The following ARHGEF1 variants were observed in gnomAD, a reference collection of about 807,000 sequenced individuals.
The protein encoded by ARHGEF1 is 115 kDa guanine nucleotide exchange factor.
A neutral mutation model predicts 119.7 loss-of-function variants in ARHGEF1; 40 were observed. That is an observed-to-expected ratio of 0.33 (90% CI 0.26 to 0.44). The LOEUF is 0.44. Ranked by LOEUF, ARHGEF1 falls within the 20% of genes least tolerant of loss-of-function variation. The pLI, the probability that ARHGEF1 is intolerant of heterozygous loss-of-function variation, is 1.00. For synonymous variants in ARHGEF1, 494 were observed against 521.0 expected (o/e 0.95, Z 0.71); for missense variants, 976 against 1,268.3 (o/e 0.77, Z 3.50).
chr19:41,914,555 CT>C (rs1379696082), intron 18 of ARHGEF1, among the ~76,000 whole-genome samples: 3 of 100,874 alleles, frequency 3.0e-5, no homozygotes, highest in African/African-American at 1.4e-4. Flanking sequence ...TTTCCCTCCC[CT>C]TCCACCATCT....
At position 41,929,179 on chromosome 19, in the gene ARHGEF1, C is replaced by T. The variant is rs895115250; in HGVS notation, c.296+193C>T. Among the ~76,000 whole-genome samples, 4 of 152,048 alleles carry T rather than the reference C, an allele frequency of 2.6e-5. 1 individual carries two copies. Among genetic ancestry groups the T allele is most frequent in the Admixed American group, 2.6e-4 (4 of 15,268 alleles). ...AACATATGCACAAACACAGCCTGCACACCACACCTTCCCCAACCCACAGCC... is the reference window on the plus strand; with the variant it reads ...AACATATGCACAAACACAGCCTGCATACCACACCTTCCCCAACCCACAGCC... On this transcript the variant is annotated intron_variant, in intron 2 of 2. Coordinates refer to the ARHGEF1 transcript ENST00000594417.
Position 41,905,401 on chromosome 19 carries a change from G to C in ARHGEF1, c.2336+140G>C, listed in dbSNP as rs547592197. ...CATGTGTGTGCATACATGTGTGTCT[G>C]TACGCAAGTATGTGACTGTGCGTGC... On this transcript the variant is annotated intron_variant, in intron 24 of 28. Transcript: ENST00000354532. The surrounding 1 kb of genome is among the most constrained non-coding windows in gnomAD (Gnocchi z 6.4). The C allele has an allele frequency of 6.7e-6, 5 of 742,444 alleles. No individual in the cohort carries two copies. In the East Asian group the frequency reaches 1.3e-4, roughly 20 times the overall value. 46.0% of individuals were successfully genotyped at this position (742,444 alleles called of 1,614,324 possible). A position where few individuals can be genotyped will look rare whatever the true frequency, so the allele number is the denominator to read the frequency against.
chr19:41,926,736 C>G (rs1459082613), intron 1 of ARHGEF1, among the ~76,000 whole-genome samples: 9 of 152,094 alleles, frequency 5.9e-5, no homozygotes, highest in Non-Finnish European at 1.2e-4. Flanking sequence ...GGCGGGGGGG[C>G]CGTTTAGCCG....
rs942084043 is a variant in ARHGEF1 at position 41,925,018 on chromosome 19, G to C, written c.140+1785G>C. 3.3e-5 allele frequency among the ~76,000 whole-genome samples: 5 copies of C among 152,252 alleles called. No homozygotes were observed. In the East Asian group the frequency reaches 7.7e-4, roughly 24 times the overall value. On this transcript the variant is annotated intron_variant, in intron 1 of 2. Coordinates refer to the ARHGEF1 transcript ENST00000594417. ...AGGGACTCCGGTCACATGGATGTTT[G>C]GGGGGAGGAAAAGGAGAGAGGTGGC...
At chr19:41,891,786 CAAAGGACCAT>C (rs1464274792) in intron 4 of ARHGEF1, among the ~76,000 whole-genome samples, 2 of 152,128 alleles carry the variant, frequency 1.3e-5, no homozygotes. Flanking sequence ...TGAAGAACCA[CAAAGGACCAT>C]AGCACAGGAT....
At chr19:41,887,971 A>T in intron 1 of ARHGEF1, 93 bp from the exon 2 acceptor site, 1 of 1,387,136 alleles carries the variant, frequency 7.2e-7, no homozygotes, top group Non-Finnish European at 9.8e-7. Context: ...GAGGCTGTTT[A>T]CTCACCTTCA....
intron 18 of ARHGEF1, among the ~76,000 whole-genome samples, chr19:41,912,595 C>T (rs2074759572): frequency 6.6e-6 from 1 of 152,204 alleles, no homozygotes; most frequent in African/African-American, 2.4e-5. Flanking sequence ...GCCCCTCCGT[C>T]CTCACCCCTC....
chr19:41,928,198 C>G (rs1019942398), intron 1 of ARHGEF1: 1 of 151,644 alleles, frequency 6.6e-6, no homozygotes, highest in Non-Finnish European at 1.5e-5. Context: ...ACCCAGAGGA[C>G]GAGGAGAGGG....
chr19:41,915,956 C>T (rs559947959), intron 18 of ARHGEF1, among the ~76,000 whole-genome samples: 1 of 151,800 alleles, frequency 6.6e-6, no homozygotes, highest in Non-Finnish European at 1.5e-5. Context: ...CGCCGGCCGG[C>T]GTGGTGCGGA....
chr19:41,914,716 GTCTCTCCCTCCCCTTCCACCATCTC>G (rs1338417216), intron 18 of ARHGEF1, among the ~76,000 whole-genome samples: 1 of 14,256 alleles, frequency 7.0e-5, no homozygotes, highest in Admixed American at 8.7e-4. Flanking sequence ...CACCATCTCT[GTCTCTCCCTCCCCTTCCACCATCTC>G]TGTCTCTCCC....
chr19:41,891,541 C>G (rs2074376683), intron 4 of ARHGEF1, among the ~76,000 whole-genome samples: 1 of 152,224 alleles, frequency 6.6e-6, no homozygotes, highest in Non-Finnish European at 1.5e-5. Context: ...GCCTTGGCCT[C>G]CCAAAGTGCT....
chr19:41,898,048 C>T (rs2074541439), intron 13 of ARHGEF1: 3 of 1,340,664 alleles, frequency 2.2e-6, no homozygotes, highest in Non-Finnish European at 2.9e-6. Flanking sequence ...GGGGCCGCTC[C>T]CGGAGCGACG....
chr19:41,898,192 G>A lies in ARHGEF1; in HGVS notation c.1122-250G>A. 10 of 1,412,548 alleles carry A rather than the reference G, an allele frequency of 7.1e-6. No individual in the cohort carries two copies. In the South Asian group the frequency reaches 1.5e-4, roughly 21 times the overall value. The allele number at this position is 1,412,548 out of a possible 1,614,324, so 87.5% of individuals were successfully genotyped here. A position where few individuals can be genotyped will look rare whatever the true frequency, so the allele number is the denominator to read the frequency against. ...GAGGGATTGTTGTCAGAGTCACAGA[G>A]GAATGGGCGTTGGAGACCGAGGTCA... is the stretch of plus-strand genomic sequence containing the variant. On this transcript the variant is annotated intron_variant, in intron 13 of 28. Coordinates refer to ENST00000354532, the MANE Select transcript of ARHGEF1 (RefSeq NM_004706.4).
downstream of ARHGEF1, among the ~76,000 whole-genome samples, chr19:41,911,425 C>T (rs2074750484): frequency 6.6e-6 from 1 of 152,208 alleles, no homozygotes; most frequent in Admixed American, 6.5e-5. Flanking sequence ...GCAGGGGAGA[C>T]CAGCATCGCC....
chr19:41,887,201 G>A (rs1555845349), intron 1 of ARHGEF1, among the ~76,000 whole-genome samples: 2 of 152,124 alleles, frequency 1.3e-5, no homozygotes, highest in Non-Finnish European at 1.5e-5. Context: ...AGAGATGGAG[G>A]GAGGAGAGGC....
Position 41,888,726 on chromosome 19 carries a change from G to A in ARHGEF1, c.112-26G>A, listed in dbSNP as rs782287560. On this transcript the variant is annotated intron_variant, in intron 3 of 28. Coordinates refer to ENST00000354532, the MANE Select transcript of ARHGEF1 (RefSeq NM_004706.4). This position sits in a 1 kb window ranked among gnomAD's most constrained non-coding sequence, Gnocchi z 5.1. ...TAAGGCCCCTCCTCTTCTCCCCATT[G>A]TACTCACCCCTTCCTGCACCCCCAG... is the stretch of plus-strand genomic sequence containing the variant. The A allele has an allele frequency of 8.7e-6, 14 of 1,606,560 alleles. No individual in the cohort carries two copies. Among genetic ancestry groups the A allele is most frequent in the African/African-American group, 1.3e-5 (1 of 74,886 alleles).
chr19:41,893,199 C>A (rs537151817), intron 7 of ARHGEF1, 75 bp from the exon 8 acceptor site: 2 of 1,593,368 alleles, frequency 1.3e-6, no homozygotes, highest in African/African-American at 1.3e-5. Context: ...GGACAGCAAC[C>A]CTGAGATGTA....
intron 18 of ARHGEF1, among the ~76,000 whole-genome samples, chr19:41,915,412 G>A (rs111458121): frequency 0.027 from 4,022 of 151,512 alleles, 181 homozygotes; most frequent in African/African-American, 0.092. Flanking sequence ...CCGTCTGTCC[G>A]TCCCTCCCAT....
chr19:41,922,874 C>T (rs537022917), upstream of ARHGEF1, among the ~76,000 whole-genome samples: 2 of 152,210 alleles, frequency 1.3e-5, no homozygotes, highest in African/African-American at 4.8e-5. Context: ...CGATCCCTGT[C>T]CCCAGCCCCA....
Sources: allele counts gnomAD v4.1 joint callset (sites outside exome capture counted in the v4.1 genomes callset), GRCh38; gene constraint gnomAD v4.1.1; non-coding constraint Gnocchi (gnomAD v3.1); transcripts MANE v1.5; gene names NCBI Gene and HGNC (gene_info 2026-07-23, HGNC 2026-07-21).